CDK14: variants seen among roughly 807,000 people sequenced by gnomAD.
CDK14 encodes cyclin dependent kinase 14, also known as cyclin-dependent kinase 14.
CDK14 carries 34 observed loss-of-function variants against 60.7 expected under a neutral mutation model. That is an observed-to-expected ratio of 0.56 (90% CI 0.43 to 0.75). The LOEUF (loss-of-function observed/expected upper bound fraction) is 0.75, where lower values mean the gene tolerates loss of function less well. CDK14 is among the 30% of genes least tolerant of loss of function. The pLI is 0.00. For synonymous variants in CDK14, 197 were observed against 203.7 expected, an observed-to-expected ratio of 0.97 and a Z score of 0.28; for missense variants, 482 against 564.1, an observed-to-expected ratio of 0.85 and a Z score of 1.47.
At chr7:90,699,952 CTT>C (rs1453882118) in intron 2 of CDK14, among the ~76,000 whole-genome samples, 1 of 152,124 alleles carries the variant, frequency 6.6e-6, no homozygotes, top group Non-Finnish European at 1.5e-5. Context: ...ATAAGTAAAA[CTT>C]TACTTTCCCT....
chr7:90,816,135 A>C (rs1170831773), intron 5 of CDK14, among the ~76,000 whole-genome samples: 1 of 152,216 alleles, frequency 6.6e-6, no homozygotes, highest in East Asian at 1.9e-4. Flanking sequence ...GAGATCACTG[A>C]TGTGGTCATG....
chr7:90,925,954 G>T (rs2117450720), intron 8 of CDK14, among the ~76,000 whole-genome samples: 1 of 152,266 alleles, frequency 6.6e-6, no homozygotes, highest in African/African-American at 2.4e-5. Flanking sequence ...TCTAGATTTT[G>T]AAGGAACCTC....
intron 4 of CDK14, among the ~76,000 whole-genome samples, chr7:90,772,250 C>T (rs1180267864): frequency 6.6e-6 from 1 of 152,238 alleles, no homozygotes; most frequent in Non-Finnish European, 1.5e-5. Context: ...ACACTGCTTT[C>T]TCACTCAGTC....
At chr7:91,176,794 A>C (rs753790273) in intron 14 of CDK14, among the ~76,000 whole-genome samples, 58 of 151,704 alleles carry the variant, frequency 3.8e-4, no homozygotes, top group African/African-American at 1.1e-3. Context: ...CAATAACAGG[A>C]GCTGAAATTG....
intron 14 of CDK14, among the ~76,000 whole-genome samples, chr7:91,173,315 G>T (rs1420374001): frequency 2.0e-5 from 3 of 152,020 alleles, no homozygotes; most frequent in Non-Finnish European, 2.9e-5. Flanking sequence ...GTCCAGTTTT[G>T]GGGTGCGATG....
At chr7:90,677,375 C>G (rs1193016982) in intron 2 of CDK14, among the ~76,000 whole-genome samples, 1 of 152,194 alleles carries the variant, frequency 6.6e-6, no homozygotes, top group Non-Finnish European at 1.5e-5. Context: ...CTAATTTTCA[C>G]TTTTTCCAAA....
intron 4 of CDK14, among the ~76,000 whole-genome samples, chr7:90,753,827 A>G (rs115782291): frequency 0.013 from 1,956 of 152,306 alleles, 58 homozygotes; most frequent in African/African-American, 0.045. Context: ...TTATTTCTAT[A>G]CACCAGCAGC....
Position 90,881,506 on chromosome 7 carries a change from A to G in CDK14, c.640-17785A>G, listed in dbSNP as rs573944312. Among the ~76,000 whole-genome samples, 5 of 152,300 alleles carry G rather than the reference A, an allele frequency of 3.3e-5. No homozygotes were observed. The East Asian group carries it at 9.6e-4, about 29-fold the overall frequency. On this transcript the variant is annotated intron_variant, in intron 6 of 14. Coordinates refer to ENST00000380050, the MANE Select transcript of CDK14 (RefSeq NM_001287135.2). ...GGGGAGAATGGAAATAAGCAGGAAAACACACTTCAGGATATTATGCAGAAG... is the reference window on the plus strand; with the variant it reads ...GGGGAGAATGGAAATAAGCAGGAAAGCACACTTCAGGATATTATGCAGAAG...
intron 2 of CDK14, among the ~76,000 whole-genome samples, chr7:90,724,358 ACTT>A (rs139590706): frequency 0.013 from 1,910 of 151,700 alleles, 39 homozygotes; most frequent in African/African-American, 0.042. Context: ...TTTAAAAAAA[ACTT>A]CTCTGAAAAC....
chr7:90,974,395 G>A (rs1356602284), intron 9 of CDK14, among the ~76,000 whole-genome samples: 5 of 152,134 alleles, frequency 3.3e-5, no homozygotes, highest in Admixed American at 6.6e-5. Context: ...ACAGGATTAA[G>A]AGATTAAGAC....
intron 11 of CDK14, among the ~76,000 whole-genome samples, chr7:91,073,081 G>C (rs185904912): frequency 1.3e-5 from 2 of 152,154 alleles, no homozygotes; most frequent in South Asian, 2.1e-4. Flanking sequence ...ATGGAACCAA[G>C]TTGGAAAACA....
chr7:90,927,278 A>G (rs1172500534), intron 8 of CDK14, among the ~76,000 whole-genome samples: 1 of 152,042 alleles, frequency 6.6e-6, no homozygotes, highest in Non-Finnish European at 1.5e-5. Context: ...GAACCTATCT[A>G]GGGGCCTGTA....
chr7:90,822,133 G>A (rs184406771), intron 5 of CDK14, among the ~76,000 whole-genome samples: 1 of 152,148 alleles, frequency 6.6e-6, no homozygotes, highest in African/African-American at 2.4e-5. Context: ...ATTTATTTTG[G>A]ACGATGAGAC....
chr7:90,949,598 A>G (rs1326309919), intron 8 of CDK14, among the ~76,000 whole-genome samples: 1 of 152,226 alleles, frequency 6.6e-6, no homozygotes, highest in African/African-American at 2.4e-5. Flanking sequence ...TAATTAAATA[A>G]AATCAAATAT....
intron 5 of CDK14, among the ~76,000 whole-genome samples, chr7:90,805,260 GGTATCT>G (rs1253467560): frequency 1.3e-5 from 2 of 151,740 alleles, no homozygotes; most frequent in African/African-American, 4.8e-5. Context: ...GAGCAAGGGG[GGTATCT>G]TAAAGTTCAG....
At chr7:90,810,523 T>C (rs567844106) in intron 5 of CDK14, among the ~76,000 whole-genome samples, 79 of 152,296 alleles carry the variant, frequency 5.2e-4, no homozygotes, top group African/African-American at 1.4e-3. Context: ...CCATACTGAA[T>C]GGGCAAAAAC....
At chr7:90,611,967 G>C (rs1258392313) in intron 2 of CDK14, among the ~76,000 whole-genome samples, 1 of 151,618 alleles carries the variant, frequency 6.6e-6, no homozygotes, top group Non-Finnish European at 1.5e-5. Context: ...CAGGTAGCTG[G>C]GATTACAGAC....
chr7:91,029,037 A>G (rs1437656247), intron 10 of CDK14, among the ~76,000 whole-genome samples: 1 of 152,136 alleles, frequency 6.6e-6, no homozygotes, highest in African/African-American at 2.4e-5. Context: ...GCCTAGGCCA[A>G]TGTCCAGAAG....
chr7:91,047,492 A>G (rs186649212), intron 11 of CDK14, among the ~76,000 whole-genome samples: 4 of 152,342 alleles, frequency 2.6e-5, no homozygotes, highest in African/African-American at 9.6e-5. Flanking sequence ...GGGACTGTTC[A>G]TTGTACATAT....
Sources: gnomAD v4.1 joint callset for allele counts (sites outside exome capture counted in the v4.1 genomes callset) on GRCh38, gnomAD v4.1.1 for gene constraint, MANE v1.5 for transcripts, NCBI Gene and HGNC (gene_info 2026-07-23, HGNC 2026-07-21) for gene names.